The following TSHZ2 variants were observed in gnomAD, a reference collection of about 807,000 sequenced individuals.
TSHZ2 encodes teashirt zinc finger homeobox 2, also known as teashirt homolog 2.
Under a neutral mutation model 74.4 loss-of-function variants are expected in TSHZ2, and 21 were observed. That is an observed-to-expected ratio of 0.28 (90% CI 0.20 to 0.41). The LOEUF (loss-of-function observed/expected upper bound fraction) is 0.41. TSHZ2 is among the 10% of genes least tolerant of loss of function. TSHZ2 has a pLI of 1.00. For missense variants in TSHZ2, 1,244 were observed against 1,293.5 expected (o/e 0.96, Z 0.59); for synonymous variants, 540 against 515.3 (o/e 1.05, Z -0.65).
At chr20:52,985,857 C>T (rs1246954961) in intron 1 of TSHZ2, among the ~76,000 whole-genome samples, 1 of 152,150 alleles carries the variant, frequency 6.6e-6, no homozygotes, top group African/African-American at 2.4e-5. Context: ...GCAAGCCCAA[C>T]CTTGAACATT....
At chr20:53,391,312 A>G (rs1200023108) in intron 2 of TSHZ2, among the ~76,000 whole-genome samples, 1 of 151,896 alleles carries the variant, frequency 6.6e-6, no homozygotes. Flanking sequence ...ACATCCAGCT[A>G]ATTTTTGTAT....
At chr20:53,170,752 A>G (rs908460906) in intron 1 of TSHZ2, among the ~76,000 whole-genome samples, 6 of 152,122 alleles carry the variant, frequency 3.9e-5, no homozygotes, top group African/African-American at 1.2e-4. Flanking sequence ...CCTTTATATA[A>G]TGAAAGGGCA....
At chr20:53,072,612 T>G (rs1304175788) in intron 1 of TSHZ2, among the ~76,000 whole-genome samples, 1 of 152,224 alleles carries the variant, frequency 6.6e-6, no homozygotes, top group Non-Finnish European at 1.5e-5. Flanking sequence ...ATAAACTACT[T>G]ATAGATTTTA....
intron 2 of TSHZ2, among the ~76,000 whole-genome samples, chr20:53,382,565 G>A (rs1981898347): frequency 6.6e-6 from 1 of 152,192 alleles, no homozygotes; most frequent in Non-Finnish European, 1.5e-5. Context: ...CAGCTGCAAT[G>A]GGAGGTCAGA....
At chr20:53,173,371 G>A (rs1020280512) in intron 1 of TSHZ2, among the ~76,000 whole-genome samples, 1 of 152,164 alleles carries the variant, frequency 6.6e-6, no homozygotes, top group Admixed American at 6.5e-5. Context: ...CACTTTGGGA[G>A]GCAGAGGCAG....
intron 1 of TSHZ2, among the ~76,000 whole-genome samples, chr20:53,211,303 T>C (rs1272979262): frequency 6.6e-6 from 1 of 152,192 alleles, no homozygotes; most frequent in Non-Finnish European, 1.5e-5. Context: ...AAAGCTCTTT[T>C]TGTGTGAAAC....
intron 1 of TSHZ2, among the ~76,000 whole-genome samples, chr20:53,161,667 A>T (rs1462725931): frequency 6.6e-6 from 1 of 152,100 alleles, no homozygotes; most frequent in Non-Finnish European, 1.5e-5. Flanking sequence ...TGTTGTGAGA[A>T]CTCAACTCAC....
intron 1 of TSHZ2, among the ~76,000 whole-genome samples, chr20:53,048,587 GC>G (rs1194576422): frequency 2.0e-5 from 3 of 152,154 alleles, no homozygotes; most frequent in African/African-American, 7.2e-5. Flanking sequence ...TCTTTGATTT[GC>G]CGGGCGTGGG....
chr20:53,180,875 G>A lies in TSHZ2; in HGVS notation c.41-72624G>A, dbSNP rs79865156. On this transcript the variant is annotated intron_variant, in intron 1 of 2. Transcript: ENST00000371497. ...AGACATGTGGCTCCTAGGAATTGGA[G>A]CTTTTGTTTTGCAGAATAATATAAA... 7.3e-3 allele frequency among the ~76,000 whole-genome samples: 1,114 copies of A among 152,270 alleles called. 14 individuals carry two copies. Among genetic ancestry groups the A allele is most frequent in the African/African-American group, 0.026 (1,072 of 41,542 alleles).
chr20:53,481,902 G>A (rs1331928570), intron 2 of TSHZ2, among the ~76,000 whole-genome samples: 1 of 151,948 alleles, frequency 6.6e-6, no homozygotes, highest in Non-Finnish European at 1.5e-5. Flanking sequence ...TCGGGAGATC[G>A]AGACCAGCCT....
chr20:53,453,771 T>A (rs574285633), intron 2 of TSHZ2, among the ~76,000 whole-genome samples: 1 of 152,288 alleles, frequency 6.6e-6, no homozygotes, highest in South Asian at 2.1e-4. Flanking sequence ...AAGCTTTAGA[T>A]TTGCTTGAAA....
intron 1 of TSHZ2, among the ~76,000 whole-genome samples, chr20:53,200,212 C>T (rs2426461): frequency 0.7 from 106,308 of 152,004 alleles, 39,136 homozygotes; most frequent in African/African-American, 0.92. Flanking sequence ...ACACAGTCTC[C>T]TTGGGAACTT....
chr20:53,445,039 G>A (rs966921243), intron 2 of TSHZ2, among the ~76,000 whole-genome samples: 5 of 152,062 alleles, frequency 3.3e-5, no homozygotes, highest in African/African-American at 1.2e-4. Context: ...ACACATGCCA[G>A]GGCCTCCCAT....
intron 2 of TSHZ2, among the ~76,000 whole-genome samples, chr20:53,430,967 G>A (rs1243328443): frequency 2.0e-5 from 3 of 151,796 alleles, no homozygotes; most frequent in African/African-American, 4.8e-5. Context: ...GGCTGGTCTC[G>A]AACTCCTGAC....
chr20:53,370,140 G>A (rs1376789659), intron 2 of TSHZ2, among the ~76,000 whole-genome samples: 2 of 152,144 alleles, frequency 1.3e-5, no homozygotes, highest in Non-Finnish European at 2.9e-5. Flanking sequence ...GGTGACAGTA[G>A]GCAAGGAATT....
chr20:53,240,220 T>G (rs1259241098), intron 1 of TSHZ2, among the ~76,000 whole-genome samples: 1 of 152,150 alleles, frequency 6.6e-6, no homozygotes, highest in Non-Finnish European at 1.5e-5. Context: ...AAACTGAGAA[T>G]GCCAATCACC....
chr20:53,430,924 T>G (rs1199822980), intron 2 of TSHZ2, among the ~76,000 whole-genome samples: 1 of 151,980 alleles, frequency 6.6e-6, no homozygotes, highest in Non-Finnish European at 1.5e-5. Context: ...CCCAGCTAAT[T>G]TTTGTATTTT....
chr20:53,042,188 C>T (rs183159745), intron 1 of TSHZ2, among the ~76,000 whole-genome samples: 3 of 152,252 alleles, frequency 2.0e-5, no homozygotes, highest in Admixed American at 6.5e-5. Context: ...TCATAAGCAT[C>T]GAGTGATTCA....
intron 1 of TSHZ2, among the ~76,000 whole-genome samples, chr20:53,229,911 A>T (rs1192367266): frequency 6.6e-6 from 1 of 151,018 alleles, no homozygotes; most frequent in Non-Finnish European, 1.5e-5. Flanking sequence ...AGGGGAAAAA[A>T]AGAGAAAGAA....
Sources: allele counts gnomAD v4.1 joint callset (sites outside exome capture counted in the v4.1 genomes callset), GRCh38; gene constraint gnomAD v4.1.1; transcripts MANE v1.5; gene names NCBI Gene and HGNC (gene_info 2026-07-23, HGNC 2026-07-21).